Variants in SMIM10L2A observed in about 807,000 individuals in gnomAD.
SMIM10L2A encodes the protein small integral membrane protein 10-like protein 2A.
A neutral mutation model predicts 3.0 loss-of-function variants in SMIM10L2A; 2 were observed. The observed-to-expected ratio is 0.66, with a 90% CI of 0.27 to 2.08. The LOEUF is 2.08. Ranked by LOEUF, SMIM10L2A falls within the 30% of genes most tolerant of loss-of-function variation. SMIM10L2A has a pLI of 0.14. For missense variants in SMIM10L2A, 59 were observed against 66.5 expected, an observed-to-expected ratio of 0.89 and a Z score of 0.39; for synonymous variants, 29 against 34.8, an observed-to-expected ratio of 0.83 and a Z score of 0.58.
rs2085142967 is a variant in SMIM10L2A at position 135,424,160 on chromosome X, G to C, written c.*890G>C. ...ATCTAGGAATGTCGCTTTCCTTGGAGCAGTACGGAAAGTCACAGGGAAGAT... is the reference window on the plus strand; with the variant it reads ...ATCTAGGAATGTCGCTTTCCTTGGACCAGTACGGAAAGTCACAGGGAAGAT... On this transcript the variant is annotated 3_prime_UTR_variant, in exon 2 of 2. Transcript: ENST00000417443. 1 of 111,096 alleles carries C rather than the reference G, an allele frequency of 9.0e-6. No homozygotes were observed. Among genetic ancestry groups the C allele is most frequent in the African/African-American group, 3.3e-5 (1 of 30,404 alleles). 9.2% of individuals were successfully genotyped at this position (111,096 alleles called of 1,213,427 possible).
rs1261697385 is a variant in SMIM10L2A at position 135,422,320 on chromosome X, C to G, written c.189C>G (p.Ile63Met). Reference protein sequence around the residue: ...RLRMNFPYFYIVASVMLNVRL... With the variant: ...RLRMNFPYFYMVASVMLNVRL... ...GCATGAACTTCCCCTACTTCTACAT[C>G]GTGGCCTCGGTGATGCTTAACGTCC... Residue 63 changes from isoleucine to methionine, a missense_variant, in exon 1 of 2, where the codon ATC becomes ATG. By Grantham distance (10) the Ile-to-Met change is conservative (BLOSUM62 1). Coordinates refer to ENST00000417443, the MANE Select transcript of SMIM10L2A (RefSeq NM_203306.3). The G allele has an allele frequency of 5.4e-6, 5 of 924,434 alleles. No individual in the cohort carries two copies. Among genetic ancestry groups the G allele is most frequent in the Non-Finnish European group, 7.2e-6 (5 of 692,386 alleles). The allele number at this position is 924,434 out of a possible 1,213,427, so 76.2% of individuals were successfully genotyped here. A position where few individuals can be genotyped will look rare whatever the true frequency, so the allele number is the denominator to read the frequency against.
chrX:135,426,323 C>T lies in SMIM10L2A; in HGVS notation c.*3053C>T, dbSNP rs1556471664. On this transcript the variant is annotated 3_prime_UTR_variant, in exon 2 of 2. Transcript: ENST00000417443. ...TCAGAGCCCCCCTCCCTAGTGGCTC[C>T]CACCAGAGACCTCCCTAGTGGCTGC... The T allele has an allele frequency of 9.1e-6, 1 of 109,602 alleles. No individual in the cohort carries two copies. Among genetic ancestry groups the T allele is most frequent in the African/African-American group, 3.3e-5 (1 of 29,965 alleles). 9.0% of individuals were successfully genotyped at this position (109,602 alleles called of 1,213,427 possible). A position where few individuals can be genotyped will look rare whatever the true frequency, so the allele number is the denominator to read the frequency against.
chrX:135,427,431 T>C lies in SMIM10L2A; in HGVS notation c.*4161T>C, dbSNP rs2085156993. Reference sequence around the variant, plus strand: ...TTCCATTCCACCTCCAGAGATTGATTGGGACCTAAGAGACTGAGTCAGGAG... The same window carrying C: ...TTCCATTCCACCTCCAGAGATTGATCGGGACCTAAGAGACTGAGTCAGGAG... On this transcript the variant is annotated 3_prime_UTR_variant, in exon 2 of 2. Transcript: ENST00000417443. 1 of 111,693 alleles carries C rather than the reference T, an allele frequency of 9.0e-6. No homozygotes were observed. The highest frequency in any genetic ancestry group is 9.5e-5 in the Admixed American group (1 of 10,553). 9.2% of individuals were successfully genotyped at this position (111,693 alleles called of 1,213,427 possible).
rs2085132606 is a variant in SMIM10L2A at position 135,422,027 on chromosome X, G to A, written c.-105G>A. 1.2e-5 allele frequency: 3 copies of A among 258,260 alleles called. 1 individual carries two copies. The highest frequency in any genetic ancestry group is 2.1e-5 in the Non-Finnish European group (3 of 145,688). The allele number at this position is 258,260 out of a possible 1,213,427, so 21.3% of individuals were successfully genotyped here. ...GGAACACGGGGGCGGGGCGGCCGCG[G>A]CTCTGGGCGACCCGCTGGGTGCACT... On this transcript the variant is annotated 5_prime_UTR_variant, in exon 1 of 2. Coordinates refer to ENST00000417443, the MANE Select transcript of SMIM10L2A (RefSeq NM_203306.3).
In SMIM10L2A at chrX:135,426,750, G is replaced by C. The variant is rs2085154317; in HGVS notation, c.*3480G>C. On this transcript the variant is annotated 3_prime_UTR_variant, in exon 2 of 2. Transcript: ENST00000417443. The stretch of plus-strand genomic sequence containing the variant: ...GCCTGGCTCCAAGGCTTCTTGAAGA[G>C]GGAGGATCACCCCTCCCATCCCTGC... 1 of 112,875 alleles carries C rather than the reference G, an allele frequency of 8.9e-6. No homozygotes were observed. The highest frequency in any genetic ancestry group is 2.8e-4 in the East Asian group (1 of 3,557). 9.3% of individuals were successfully genotyped at this position (112,875 alleles called of 1,213,427 possible). A position where few individuals can be genotyped will look rare whatever the true frequency, so the allele number is the denominator to read the frequency against.
rs1305157144 is a variant in SMIM10L2A at position 135,426,738 on chromosome X, G to C, written c.*3468G>C. The C allele has an allele frequency of 1.8e-5, 2 of 112,816 alleles. No individual in the cohort carries two copies. Among genetic ancestry groups the C allele is most frequent in the Non-Finnish European group, 3.8e-5 (2 of 53,288 alleles). 9.3% of individuals were successfully genotyped at this position (112,816 alleles called of 1,213,427 possible). A position where few individuals can be genotyped will look rare whatever the true frequency, so the allele number is the denominator to read the frequency against. On this transcript the variant is annotated 3_prime_UTR_variant, in exon 2 of 2. Transcript: ENST00000417443. ...GATCCTCCCAGAGCCTGGCTCCAAG[G>C]CTTCTTGAAGAGGGAGGATCACCCC...
rs1264199008 is a variant in SMIM10L2A, at chrX:135,426,301, G to A, written c.*3031G>A. On this transcript the variant is annotated 3_prime_UTR_variant, in exon 2 of 2. Coordinates refer to ENST00000417443, the MANE Select transcript of SMIM10L2A (RefSeq NM_203306.3). ...CTTGGAAGCAAATTCTGTCCCATCA[G>A]AGCCCCCCTCCCTAGTGGCTCCCAC... 9.0e-6 allele frequency: 1 copy of A among 110,841 alleles called. No individual in the cohort carries two copies. Among genetic ancestry groups the A allele is most frequent in the Non-Finnish European group, 1.9e-5 (1 of 52,807 alleles). The allele number at this position is 110,841 out of a possible 1,213,427, so 9.1% of individuals were successfully genotyped here.
In SMIM10L2A at chrX:135,427,349, T is replaced by A. The variant is rs1556471987; in HGVS notation, c.*4079T>A. The A allele has an allele frequency of 8.9e-6, 1 of 111,815 alleles. No homozygotes were observed. The highest frequency in any genetic ancestry group is 1.9e-5 in the Non-Finnish European group (1 of 53,152). 9.2% of individuals were successfully genotyped at this position (111,815 alleles called of 1,213,427 possible). ...GGTAGACCTGAGAGCCTTCTCCAAA[T>A]GGAACTCCCCAGTGGGAGCAGCTGT... is the stretch of plus-strand genomic sequence containing the variant. On this transcript the variant is annotated 3_prime_UTR_variant, in exon 2 of 2. Transcript: ENST00000417443.
chrX:135,426,913 A>G lies in SMIM10L2A; in HGVS notation c.*3643A>G, dbSNP rs782133584. 1.1e-4 allele frequency: 13 copies of G among 113,208 alleles called. No individual in the cohort carries two copies. The highest frequency in any genetic ancestry group is 3.8e-4 in the African/African-American group (12 of 31,196). 9.3% of individuals were successfully genotyped at this position (113,208 alleles called of 1,213,427 possible). ...TGTGCACAACCTGGAGTTTTTAGTA[A>G]GGTTCCGTTGGGATGCTTGTAAGCA... is the stretch of plus-strand genomic sequence containing the variant. On this transcript the variant is annotated 3_prime_UTR_variant, in exon 2 of 2. Transcript: ENST00000417443.
Position 135,424,473 on chromosome X carries a change from C to T in SMIM10L2A, c.*1203C>T, listed in dbSNP as rs1465182424. 1.8e-5 allele frequency: 2 copies of T among 110,990 alleles called. No homozygotes were observed. The highest frequency in any genetic ancestry group is 3.3e-5 in the African/African-American group (1 of 30,345). The allele number at this position is 110,990 out of a possible 1,213,427, so 9.1% of individuals were successfully genotyped here. A position where few individuals can be genotyped will look rare whatever the true frequency, so the allele number is the denominator to read the frequency against. Reference sequence around the variant, plus strand: ...CAATTCTCTCTCCTCAAGCTCGACCCCCCATCCCCAGGATCACACAGGAGA... The same window carrying T: ...CAATTCTCTCTCCTCAAGCTCGACCTCCCATCCCCAGGATCACACAGGAGA... On this transcript the variant is annotated 3_prime_UTR_variant, in exon 2 of 2. Coordinates refer to ENST00000417443, the MANE Select transcript of SMIM10L2A (RefSeq NM_203306.3).
Position 135,426,742 on chromosome X carries a change from C to T in SMIM10L2A, c.*3472C>T, listed in dbSNP as rs2085154275. ...CTCCCAGAGCCTGGCTCCAAGGCTTCTTGAAGAGGGAGGATCACCCCTCCC... is the reference window on the plus strand; with the variant it reads ...CTCCCAGAGCCTGGCTCCAAGGCTTTTTGAAGAGGGAGGATCACCCCTCCC... On this transcript the variant is annotated 3_prime_UTR_variant, in exon 2 of 2. Transcript: ENST00000417443. The T allele has an allele frequency of 8.9e-6, 1 of 112,842 alleles. No individual in the cohort carries two copies. The highest frequency in any genetic ancestry group is 9.3e-5 in the Admixed American group (1 of 10,790). 9.3% of individuals were successfully genotyped at this position (112,842 alleles called of 1,213,427 possible).
In SMIM10L2A at chrX:135,427,373, G is replaced by A. The variant is rs1362013783; in HGVS notation, c.*4103G>A. 1 of 112,053 alleles carries A rather than the reference G, an allele frequency of 8.9e-6. No individual in the cohort carries two copies. Among genetic ancestry groups the A allele is most frequent in the African/African-American group, 3.2e-5 (1 of 30,802 alleles). 9.2% of individuals were successfully genotyped at this position (112,053 alleles called of 1,213,427 possible). A position where few individuals can be genotyped will look rare whatever the true frequency, so the allele number is the denominator to read the frequency against. ...ATGGAACTCCCCAGTGGGAGCAGCTGTGGCCACCCTGAGATGGGTCTACCT... is the reference window on the plus strand; with the variant it reads ...ATGGAACTCCCCAGTGGGAGCAGCTATGGCCACCCTGAGATGGGTCTACCT... On this transcript the variant is annotated 3_prime_UTR_variant, in exon 2 of 2. Transcript: ENST00000417443.
rs1367444574 is a variant in SMIM10L2A, at chrX:135,424,654, C to G, written c.*1384C>G. 1 of 111,603 alleles carries G rather than the reference C, an allele frequency of 9.0e-6. No homozygotes were observed. The highest frequency in any genetic ancestry group is 2.8e-4 in the East Asian group (1 of 3,528). The allele number at this position is 111,603 out of a possible 1,213,427, so 9.2% of individuals were successfully genotyped here. A position where few individuals can be genotyped will look rare whatever the true frequency, so the allele number is the denominator to read the frequency against. On this transcript the variant is annotated 3_prime_UTR_variant, in exon 2 of 2. Transcript: ENST00000417443. ...GCATCTCTTGCACTGGTACCCCGGG[C>G]GCCACGTTCTCAGTTCCTGGGACTG...
chrX:135,422,008 C>CG lies in SMIM10L2A; in HGVS notation c.-119dup. ...TGAGCCCCGCTCGGCCTTGGGAACA[C>CG]GGGGGCGGGGCGGCCGCGGCTCTGG... On this transcript the variant is annotated 5_prime_UTR_variant, in exon 1 of 2. Coordinates refer to ENST00000417443, the MANE Select transcript of SMIM10L2A (RefSeq NM_203306.3). 3.9e-6 allele frequency: 1 copy of CG among 253,613 alleles called. No homozygotes were observed. The highest frequency in any genetic ancestry group is 2.9e-5 in the African/African-American group (1 of 34,945). The allele number at this position is 253,613 out of a possible 1,213,427, so 20.9% of individuals were successfully genotyped here.
intron 1 of SMIM10L2A, among the ~76,000 whole-genome samples, chrX:135,423,259 C>T (rs1239932054): frequency 2.0e-4 from 22 of 112,379 alleles, no homozygotes; most frequent in African/African-American, 6.5e-4. Flanking sequence ...CCTTATGTTC[C>T]CCTACCCCTA....
At position 135,422,289 on chromosome X, in the gene SMIM10L2A, G is replaced by A; in HGVS notation, c.158G>A (p.Arg53Gln). The change falls in exon 1 of 2, where the codon CGG (arginine) becomes CAG (glutamine). Residue 53 changes from arginine to glutamine, a missense_variant. By Grantham distance (43) the Arg-to-Gln change is conservative. Coordinates refer to ENST00000417443, the MANE Select transcript of SMIM10L2A (RefSeq NM_203306.3). ...TLLTFFDLAWRLRMNFPYFYI... is the reference protein window; with the variant it reads ...TLLTFFDLAWQLRMNFPYFYI... ...CTCACCTTCTTCGACCTGGCCTGGC[G>A]GCTGCGCATGAACTTCCCCTACTTC... 3 of 1,054,504 alleles carry A rather than the reference G, an allele frequency of 2.8e-6. No homozygotes were observed. Among genetic ancestry groups the A allele is most frequent in the Non-Finnish European group, 2.5e-6 (2 of 798,689 alleles). The allele number at this position is 1,054,504 out of a possible 1,213,427, so 86.9% of individuals were successfully genotyped here.
rs782294677 is a variant in SMIM10L2A at position 135,422,739 on chromosome X, C to G, written c.*362+9C>G. ...AGGCCCGGAGCAGAAAGGTAGGAGG[C>G]GACAGGTTGGAATGGGAGAGGGGCG... On this transcript the variant is annotated intron_variant, in intron 1 of 1. Coordinates refer to ENST00000417443, the MANE Select transcript of SMIM10L2A (RefSeq NM_203306.3). 8.4e-6 allele frequency: 1 copy of G among 118,795 alleles called. No homozygotes were observed. Among genetic ancestry groups the G allele is most frequent in the East Asian group, 2.6e-4 (1 of 3,872 alleles). 9.8% of individuals were successfully genotyped at this position (118,795 alleles called of 1,213,427 possible). A position where few individuals can be genotyped will look rare whatever the true frequency, so the allele number is the denominator to read the frequency against.
rs1277048955 is a variant in SMIM10L2A, at chrX:135,424,743, C to T, written c.*1473C>T. On this transcript the variant is annotated 3_prime_UTR_variant, in exon 2 of 2. Coordinates refer to ENST00000417443, the MANE Select transcript of SMIM10L2A (RefSeq NM_203306.3). ...GCCCAGCCACCTACTATGTACCCTCCTCAGCTGCCCACTGGACTCAGGTCC... is the reference window on the plus strand; with the variant it reads ...GCCCAGCCACCTACTATGTACCCTCTTCAGCTGCCCACTGGACTCAGGTCC... The T allele has an allele frequency of 1.8e-5, 2 of 112,267 alleles. No individual in the cohort carries two copies. The highest frequency in any genetic ancestry group is 6.5e-5 in the African/African-American group (2 of 30,819). 9.3% of individuals were successfully genotyped at this position (112,267 alleles called of 1,213,427 possible). A position where few individuals can be genotyped will look rare whatever the true frequency, so the allele number is the denominator to read the frequency against.
Position 135,425,634 on chromosome X carries a change from G to A in SMIM10L2A, c.*2364G>A, listed in dbSNP as rs1208003980. ...CGGAATGACATACTTTTCTGTGTGTGATTCACTGTGTACTGGTCAGCACAG... is the reference window on the plus strand; with the variant it reads ...CGGAATGACATACTTTTCTGTGTGTAATTCACTGTGTACTGGTCAGCACAG... On this transcript the variant is annotated 3_prime_UTR_variant, in exon 2 of 2. Transcript: ENST00000417443. 8.9e-6 allele frequency: 1 copy of A among 112,677 alleles called. No individual in the cohort carries two copies. The highest frequency in any genetic ancestry group is 1.9e-5 in the Non-Finnish European group (1 of 53,313). 9.3% of individuals were successfully genotyped at this position (112,677 alleles called of 1,213,427 possible).
Sources: allele counts gnomAD v4.1 joint callset (sites outside exome capture counted in the v4.1 genomes callset), GRCh38; gene constraint gnomAD v4.1.1; transcripts MANE v1.5; gene names NCBI Gene and HGNC (gene_info 2026-07-23, HGNC 2026-07-21).